The following RALGAPA2 variants were observed in gnomAD, a reference collection of about 807,000 sequenced individuals.
RALGAPA2 encodes ral GTPase-activating protein subunit alpha-2.
Under a neutral mutation model 230.4 loss-of-function variants are expected in RALGAPA2, and 139 were observed. The observed-to-expected ratio is 0.60, with a 90% confidence interval of 0.53 to 0.69. The LOEUF is 0.69. RALGAPA2 is among the 30% of genes least tolerant of loss of function. The probability of loss-of-function intolerance (pLI) is 0.00; values close to 1 mark genes in which losing one functional copy is unlikely to be tolerated. For synonymous variants in RALGAPA2, 847 were observed against 837.8 expected (o/e 1.01, Z -0.19); for missense variants, 2,163 against 2,276.0 (o/e 0.95, Z 1.01).
At chr20:20,445,150 G>A (rs1403308473) in intron 37 of RALGAPA2, among the ~76,000 whole-genome samples, 1 of 152,164 alleles carries the variant, frequency 6.6e-6, no homozygotes, top group African/African-American at 2.4e-5. Context: ...TAGGAAAAAC[G>A]TAGAATATAA....
At chr20:20,689,502 C>T (rs1373557951) in intron 1 of RALGAPA2, among the ~76,000 whole-genome samples, 1 of 152,058 alleles carries the variant, frequency 6.6e-6, no homozygotes, top group Non-Finnish European at 1.5e-5. Context: ...ATCAGCTGGG[C>T]ATGGTGGTGC....
intron 27 of RALGAPA2, among the ~76,000 whole-genome samples, chr20:20,527,818 G>A (rs1220056737): frequency 1.3e-5 from 2 of 152,320 alleles, no homozygotes; most frequent in South Asian, 4.1e-4. Context: ...GAAACTCTGA[G>A]AGAGTGGGAG....
intron 8 of RALGAPA2, 51 bp downstream of exon 8, chr20:20,637,312 T>C: frequency 7.0e-7 from 1 of 1,424,474 alleles, no homozygotes; most frequent in Non-Finnish European, 9.4e-7. Flanking sequence ...TGAAAGAGAC[T>C]GCATAGCTTT....
rs577879406 is a variant in RALGAPA2 at position 20,638,970 on chromosome 20, A to T, written c.666+815T>A. ...GAATTGCCAGAGAAAATATCAGAAGAGGAGAGAATCTCATGAAGGAGGGGT... is the reference window on the plus strand; with the variant it reads ...GAATTGCCAGAGAAAATATCAGAAGTGGAGAGAATCTCATGAAGGAGGGGT... On this transcript the variant is annotated intron_variant, in intron 7 of 39. Transcript: ENST00000202677. Among the ~76,000 whole-genome samples, 5 of 152,348 alleles carry T rather than the reference A, an allele frequency of 3.3e-5. No homozygotes were observed. In the South Asian group the frequency reaches 1.0e-3, roughly 32 times the overall value.
At chr20:20,574,668 G>A (rs530964269) in intron 20 of RALGAPA2, among the ~76,000 whole-genome samples, 1 of 152,214 alleles carries the variant, frequency 6.6e-6, no homozygotes, top group Non-Finnish European at 1.5e-5. Context: ...ACAGAGGCAA[G>A]CATTTTAACT....
At chr20:20,444,561 C>T (rs978823612) in intron 37 of RALGAPA2, among the ~76,000 whole-genome samples, 2 of 152,158 alleles carry the variant, frequency 1.3e-5, no homozygotes, top group Non-Finnish European at 2.9e-5. Flanking sequence ...TCACCAGCAC[C>T]TTCCTGCTGC....
At chr20:20,518,430 C>A (rs138781906) in intron 31 of RALGAPA2, among the ~76,000 whole-genome samples, 100 of 152,282 alleles carry the variant, frequency 6.6e-4, no homozygotes, top group African/African-American at 2.3e-3. Context: ...CAAATTTGAG[C>A]TCTTTCTTGC....
intron 1 of RALGAPA2, among the ~76,000 whole-genome samples, chr20:20,706,594 T>C (rs1006857842): frequency 1.3e-5 from 2 of 152,100 alleles, no homozygotes; most frequent in African/African-American, 4.8e-5. Context: ...CATGCTCAAA[T>C]CAAATATGAT....
intron 37 of RALGAPA2, among the ~76,000 whole-genome samples, chr20:20,445,079 TTA>T (rs1402063663): frequency 6.6e-6 from 1 of 152,220 alleles, no homozygotes; most frequent in East Asian, 1.9e-4. Context: ...CATTTTATTA[TTA>T]GTTATTATTA....
intron 37 of RALGAPA2, among the ~76,000 whole-genome samples, chr20:20,449,653 T>A (rs750870025): frequency 2.0e-5 from 3 of 152,230 alleles, no homozygotes; most frequent in Non-Finnish European, 4.4e-5. Flanking sequence ...AACTTTTTTT[T>A]TTCCCCCGGA....
At chr20:20,610,255 C>T (rs2065938794) in intron 14 of RALGAPA2, among the ~76,000 whole-genome samples, 1 of 152,210 alleles carries the variant, frequency 6.6e-6, no homozygotes, top group South Asian at 2.1e-4. Flanking sequence ...TAGAATGTAG[C>T]ATTTTTCCAG....
intron 4 of RALGAPA2, among the ~76,000 whole-genome samples, chr20:20,644,391 A>G (rs1473943941): frequency 1.3e-5 from 2 of 152,216 alleles, no homozygotes; most frequent in Non-Finnish European, 2.9e-5. Context: ...TACTCCACCA[A>G]TGAATTTCAT....
intron 37 of RALGAPA2, among the ~76,000 whole-genome samples, chr20:20,425,469 T>C (rs1602332026): frequency 2.6e-5 from 4 of 152,214 alleles, no homozygotes; most frequent in South Asian, 4.1e-4. Context: ...AAAATAGTAT[T>C]TCTATGCTTC....
At chr20:20,534,093 C>T (rs2063436648) in intron 26 of RALGAPA2, among the ~76,000 whole-genome samples, 1 of 152,042 alleles carries the variant, frequency 6.6e-6, no homozygotes, top group Admixed American at 6.6e-5. Flanking sequence ...TCAGAGGATA[C>T]ACAAAACGTG....
intron 35 of RALGAPA2, among the ~76,000 whole-genome samples, chr20:20,500,593 T>A (rs2062345359): frequency 6.6e-6 from 1 of 152,238 alleles, no homozygotes; most frequent in South Asian, 2.1e-4. Context: ...AGTGACTTCC[T>A]TCACTGAAGT....
chr20:20,643,416 C>T (rs2067107003), intron 5 of RALGAPA2, 90 bp downstream of exon 5: 3 of 1,236,442 alleles, frequency 2.4e-6, no homozygotes, highest in South Asian at 1.6e-5. Flanking sequence ...TTCTAAAGAT[C>T]TTTTTTCCAA....
intron 15 of RALGAPA2, among the ~76,000 whole-genome samples, chr20:20,602,417 T>A (rs1179315389): frequency 6.6e-6 from 1 of 152,234 alleles, no homozygotes; most frequent in African/African-American, 2.4e-5. Flanking sequence ...TCAACTTTTA[T>A]TTTTCCTCAT....
chr20:20,592,647 T>G (rs2065327092), intron 16 of RALGAPA2, among the ~76,000 whole-genome samples: 1 of 152,230 alleles, frequency 6.6e-6, no homozygotes, highest in Non-Finnish European at 1.5e-5. Context: ...AAACTCAGCC[T>G]GTATTATCTT....
chr20:20,389,976 T>C lies in RALGAPA2; in HGVS notation c.*3313A>G, dbSNP rs2059578363. The C allele has an allele frequency of 1.3e-5, 2 of 152,346 alleles. No individual in the cohort carries two copies. Among genetic ancestry groups the C allele is most frequent in the South Asian group, 2.1e-4 (1 of 4,828 alleles). The allele number at this position is 152,346 out of a possible 1,614,324, so 9.4% of individuals were successfully genotyped here. On this transcript the variant is annotated 3_prime_UTR_variant, in exon 40 of 40. Coordinates refer to ENST00000202677, the MANE Select transcript of RALGAPA2 (RefSeq NM_020343.4). ...AGGAAACATTCACTTCATGTGTATG[T>C]CATATGGACAGACTGAGTGCAACTA... is the stretch of plus-strand genomic sequence containing the variant.
Sources: allele counts gnomAD v4.1 joint callset (sites outside exome capture counted in the v4.1 genomes callset), GRCh38; gene constraint gnomAD v4.1.1; transcripts MANE v1.5; gene names NCBI Gene and HGNC (gene_info 2026-07-23, HGNC 2026-07-21).